GSDMC: variants seen among roughly 807,000 people sequenced by gnomAD.
GSDMC encodes gasdermin C, also known as gasdermin-C.
Under a neutral mutation model 58.0 loss-of-function variants are expected in GSDMC, and 59 were observed. That is an observed-to-expected ratio of 1.02 (90% CI 0.82 to 1.26). GSDMC has a LOEUF of 1.26. GSDMC is among the 50% of genes most tolerant of loss of function. GSDMC has a pLI of 0.00. For synonymous variants in GSDMC, 241 were observed against 220.2 expected (o/e 1.09, Z -0.83); for missense variants, 659 against 598.5 (o/e 1.10, Z -1.06).
intron 3 of GSDMC, among the ~76,000 whole-genome samples, chr8:129,773,951 TAAG>T (rs1413995107): frequency 1.3e-5 from 2 of 152,128 alleles, no homozygotes; most frequent in South Asian, 2.1e-4. Context: ...TGCTCATGGA[TAAG>T]AAGAATTAAT....
intron 3 of GSDMC, among the ~76,000 whole-genome samples, chr8:129,770,214 C>A (rs985443857): frequency 3.9e-5 from 6 of 152,096 alleles, no homozygotes; most frequent in Non-Finnish European, 7.3e-5. Flanking sequence ...CAGGCTCATG[C>A]CTCATATTAT....
At chr8:129,751,605 T>TA (rs1392621399) in intron 9 of GSDMC, 37 bp from the exon 10 acceptor site, 17 of 1,603,392 alleles carry the variant, frequency 1.1e-5, no homozygotes, top group Non-Finnish European at 1.4e-5. Context: ...CACTTCCTCA[T>TA]CCCCCCAAAT....
At chr8:129,754,415 A>G (rs2033348569) in intron 6 of GSDMC, among the ~76,000 whole-genome samples, 1 of 152,240 alleles carries the variant, frequency 6.6e-6, no homozygotes. Flanking sequence ...CAGAACCTCT[A>G]TGAGTCTGCA....
rs150274398 is a variant in GSDMC at position 129,750,970 on chromosome 8, G to A, written c.944-400C>T. 5.9e-5 allele frequency among the ~76,000 whole-genome samples: 9 copies of A among 152,244 alleles called. No individual in the cohort carries two copies. The East Asian group carries it at 1.6e-3, about 26-fold the overall frequency. On this transcript the variant is annotated intron_variant, in intron 10 of 13. Transcript: ENST00000276708. ...ATATTGGTTAAATGGGATGTTATGA[G>A]GATTAAAAGAGTTTATGTAGGCCAA... is the stretch of plus-strand genomic sequence containing the variant.
chr8:129,777,232 T>C, intron 2 of GSDMC, 136 bp downstream of exon 2: 1 of 591,860 alleles, frequency 1.7e-6, no homozygotes, highest in Non-Finnish European at 3.0e-6. Context: ...TCTTCGTTTC[T>C]TGCCCCTTGC....
the GSDMC span, among the ~76,000 whole-genome samples, chr8:129,724,600 C>G: frequency 6.6e-6 from 1 of 151,440 alleles, no homozygotes; most frequent in Non-Finnish European, 1.5e-5. Flanking sequence ...TGAGTAACAA[C>G]TCACTTAATG....
At chr8:129,753,845 T>C (rs1044036310) in intron 6 of GSDMC, among the ~76,000 whole-genome samples, 2 of 151,944 alleles carry the variant, frequency 1.3e-5, no homozygotes, top group Non-Finnish European at 2.9e-5. Context: ...TCAGCAAACA[T>C]ATGCAGTGGC....
intron 3 of GSDMC, among the ~76,000 whole-genome samples, chr8:129,773,135 C>T (rs1221509774): frequency 1.3e-5 from 2 of 152,164 alleles, no homozygotes; most frequent in Non-Finnish European, 2.9e-5. Context: ...GAAGGCTATA[C>T]ATGGTCATAA....
chr8:129,773,098 T>C (rs1312106361), intron 3 of GSDMC, among the ~76,000 whole-genome samples: 1 of 152,158 alleles, frequency 6.6e-6, no homozygotes, highest in Admixed American at 6.5e-5. Context: ...GCAAATTAGA[T>C]ATAGAAGAAA....
the GSDMC span, among the ~76,000 whole-genome samples, chr8:129,738,464 A>G: frequency 6.6e-6 from 1 of 152,230 alleles, no homozygotes; most frequent in East Asian, 1.9e-4. Context: ...AACATGGAAT[A>G]CTATGCAGCC....
rs760421413 is a variant in GSDMC, at chr8:129,751,883, G to C, written c.895C>G (p.Gln299Glu). ...FLSGHLPKYE[Q>E]VHILPVGRIE... Reference sequence around the variant, plus strand: ...TCACCTACTGGGAGGATGTGAACTTGTTCGTATTCTAAAAAAAGAAATGAA... The same window carrying C: ...TCACCTACTGGGAGGATGTGAACTTCTTCGTATTCTAAAAAAAGAAATGAA... Residue 299 changes from glutamine to glutamate, a missense_variant, in exon 9 of 14, where the codon CAA becomes GAA. By Grantham distance (29) the Gln-to-Glu change is conservative (BLOSUM62 2). Coordinates refer to ENST00000276708, the MANE Select transcript of GSDMC (RefSeq NM_031415.3). The C allele has an allele frequency of 6.3e-7, 1 of 1,583,484 alleles. No homozygotes were observed. The highest frequency in any genetic ancestry group is 1.1e-5 in the South Asian group (1 of 90,394).
intron 6 of GSDMC, among the ~76,000 whole-genome samples, chr8:129,753,467 A>T (rs1165473108): frequency 6.6e-6 from 1 of 152,130 alleles, no homozygotes; most frequent in African/African-American, 2.4e-5. Flanking sequence ...TGAATACAGA[A>T]CCATTGGGCC....
At chr8:129,729,001 T>G in the GSDMC span, 3 of 662,292 alleles carry the variant, frequency 4.5e-6, no homozygotes, top group Admixed American at 2.1e-5. Context: ...AAGAGCTTGC[T>G]GCACGATGAG....
chr8:129,723,419 CTT>C, the GSDMC span, among the ~76,000 whole-genome samples: 20,592 of 132,246 alleles, frequency 0.16, 827 homozygotes, highest in Non-Finnish European at 0.21. Flanking sequence ...TTTTCTTCTC[CTT>C]TTTTTTTTTT....
chr8:129,767,874 C>T (rs187545414), intron 3 of GSDMC, among the ~76,000 whole-genome samples: 17 of 152,310 alleles, frequency 1.1e-4, no homozygotes, highest in African/African-American at 3.8e-4. Context: ...CAGCCTAAAG[C>T]CCTGCCCAAT....
the GSDMC span, among the ~76,000 whole-genome samples, chr8:129,731,556 G>A: frequency 2.0e-5 from 3 of 152,200 alleles, no homozygotes; most frequent in African/African-American, 7.2e-5. Context: ...CAAGAGGCTG[G>A]CAACCCAGGA....
the GSDMC span, among the ~76,000 whole-genome samples, chr8:129,734,166 G>A: frequency 1.3e-5 from 2 of 152,182 alleles, no homozygotes; most frequent in African/African-American, 4.8e-5. Flanking sequence ...CAAGAAATAT[G>A]GGACTATGTG....
chr8:129,706,772 C>A, the GSDMC span, among the ~76,000 whole-genome samples: 2 of 152,204 alleles, frequency 1.3e-5, no homozygotes, highest in African/African-American at 4.8e-5. Flanking sequence ...GGCTACATTG[C>A]TCTGCTCCAG....
rs1373858986 is a variant in GSDMC, at chr8:129,786,077, G to A, written c.-71C>T. On this transcript the variant is annotated 5_prime_UTR_variant, in exon 1 of 14. Transcript: ENST00000276708. Reference sequence around the variant, plus strand: ...TGGCCGGGCACGGTGGCTCACGTCTGTAATCCCAGCACTTTGGGAGGCTGA... The same window carrying A: ...TGGCCGGGCACGGTGGCTCACGTCTATAATCCCAGCACTTTGGGAGGCTGA... The A allele has an allele frequency of 6.6e-6, 1 of 152,462 alleles. No homozygotes were observed. The highest frequency in any genetic ancestry group is 1.5e-5 in the Non-Finnish European group (1 of 68,278). 9.4% of individuals were successfully genotyped at this position (152,462 alleles called of 1,614,324 possible).
Sources: gnomAD v4.1 joint callset for allele counts (sites outside exome capture counted in the v4.1 genomes callset) on GRCh38, gnomAD v4.1.1 for gene constraint, MANE v1.5 for transcripts, NCBI Gene and HGNC (gene_info 2026-07-23, HGNC 2026-07-21) for gene names.